The following PRDM16 variants were observed in gnomAD, a reference collection of about 807,000 sequenced individuals.
PRDM16 encodes the protein histone-lysine N-methyltransferase PRDM16.
In PRDM16, 23 loss-of-function variants were observed where a neutral mutation model predicts 110.6. The ratio of observed to expected loss-of-function variants is 0.21; its 90% confidence interval spans 0.15 to 0.29. PRDM16 has a LOEUF of 0.29. PRDM16 is among the 10% of genes least tolerant of loss of function. The pLI, the probability that PRDM16 is intolerant of heterozygous loss-of-function variation, is 1.00. For synonymous variants in PRDM16, 799 were observed against 781.8 expected (o/e 1.02, Z -0.37); for missense variants, 1,615 against 1,794.3 (o/e 0.90, Z 1.81).
At chr1:3,268,787 C>G (rs180830782) in intron 3 of PRDM16, among the ~76,000 whole-genome samples, 1 of 152,164 alleles carries the variant, frequency 6.6e-6, no homozygotes, top group Non-Finnish European at 1.5e-5. Flanking sequence ...CTGGTATATT[C>G]GAGGAGGGCA....
intron 1 of PRDM16, among the ~76,000 whole-genome samples, chr1:3,141,149 A>G (rs1643542672): frequency 6.6e-6 from 1 of 152,040 alleles, no homozygotes; most frequent in South Asian, 2.1e-4. Flanking sequence ...TTCATTCCCC[A>G]ATTTCCAGCT....
chr1:3,089,470 G>T (rs1026550593), intron 1 of PRDM16, among the ~76,000 whole-genome samples: 6 of 152,234 alleles, frequency 3.9e-5, no homozygotes, highest in African/African-American at 1.4e-4. Flanking sequence ...GGCGGAAGCG[G>T]GTGGAAACTT....
At chr1:3,295,347 G>C (rs555171114) in intron 3 of PRDM16, among the ~76,000 whole-genome samples, 1 of 152,250 alleles carries the variant, frequency 6.6e-6, no homozygotes, top group African/African-American at 2.4e-5. Flanking sequence ...GCCAGTGCTG[G>C]GAGGGGACTG....
rs370931714 is a variant in PRDM16 at position 3,412,588 on chromosome 1, C to A, written c.2391C>A (p.Ser797=). 8.7e-5 allele frequency: 140 copies of A among 1,603,612 alleles called. 1 individual carries two copies. In the South Asian group the frequency reaches 1.4e-3, roughly 16 times the overall value. Reference sequence around the variant, plus strand: ...CCAAGGGCCCCTCGGCCCCCGCATCCGGCGAGGAGCAGCCGCTGGACCTGA... The same window carrying A: ...CCAAGGGCCCCTCGGCCCCCGCATCAGGCGAGGAGCAGCCGCTGGACCTGA... ...PMPKGPSAPA[S]GEEQPLDLSI... The change falls in exon 9 of 17, where the codon TCC becomes TCA. Residue 797 remains serine, a synonymous_variant. Coordinates refer to ENST00000270722, the MANE Select transcript of PRDM16 (RefSeq NM_022114.4).
intron 1 of PRDM16, among the ~76,000 whole-genome samples, chr1:3,127,538 C>T (rs1362864163): frequency 1.3e-5 from 2 of 152,214 alleles, no homozygotes; most frequent in African/African-American, 4.8e-5. Context: ...GAATCTTTAT[C>T]GAGCTCAAAT....
intron 9 of PRDM16, 112 bp from the exon 10 acceptor site, chr1:3,414,448 C>T (rs897728120): frequency 2.7e-6 from 2 of 753,058 alleles, no homozygotes; most frequent in Admixed American, 4.4e-5. Context: ...CACACCATGG[C>T]CTTGTGACTG....
intron 5 of PRDM16, among the ~76,000 whole-genome samples, chr1:3,401,000 T>C (rs1403518256): frequency 6.6e-6 from 1 of 152,158 alleles, no homozygotes; most frequent in African/African-American, 2.4e-5. Context: ...CCATCCAGTA[T>C]GCCTGCTGTG....
At chr1:3,139,279 C>T (rs1643499683) in intron 1 of PRDM16, among the ~76,000 whole-genome samples, 1 of 152,226 alleles carries the variant, frequency 6.6e-6, no homozygotes, top group Non-Finnish European at 1.5e-5. Flanking sequence ...TTCTTCTGCA[C>T]CTGCCTTCCT....
At chr1:3,361,957 G>A (rs1361389843) in intron 3 of PRDM16, among the ~76,000 whole-genome samples, 2 of 151,686 alleles carry the variant, frequency 1.3e-5, no homozygotes, top group Non-Finnish European at 2.9e-5. Context: ...CAGGTGGTGA[G>A]AAGTGACCGT....
chr1:3,164,466 C>T (rs1030861033), intron 1 of PRDM16, among the ~76,000 whole-genome samples: 3 of 152,312 alleles, frequency 2.0e-5, no homozygotes, highest in South Asian at 2.1e-4. Context: ...GCCATGGCCA[C>T]GTACAGAAAG....
At chr1:3,181,545 T>TAC (rs1399691298) in intron 1 of PRDM16, among the ~76,000 whole-genome samples, 1 of 31,578 alleles carries the variant, frequency 3.2e-5, no homozygotes, top group Non-Finnish European at 5.1e-5. Context: ...CACACGGTCT[T>TAC]ACACACGCAG....
chr1:3,398,108 C>G (rs116850814), intron 5 of PRDM16, among the ~76,000 whole-genome samples: 1 of 152,126 alleles, frequency 6.6e-6, no homozygotes, highest in African/African-American at 2.4e-5. Context: ...TTGAAAAGAT[C>G]TATGAATCTT....
At chr1:3,289,041 C>T (rs1640915860) in intron 3 of PRDM16, among the ~76,000 whole-genome samples, 1 of 152,202 alleles carries the variant, frequency 6.6e-6, no homozygotes. Flanking sequence ...CCCATGAGCC[C>T]CTGGCCGAAG....
At chr1:3,121,445 G>T (rs565264384) in intron 1 of PRDM16, among the ~76,000 whole-genome samples, 17 of 152,372 alleles carry the variant, frequency 1.1e-4, no homozygotes, top group African/African-American at 4.1e-4. Flanking sequence ...AGCTCCTGAT[G>T]AAAACAAAAC....
rs1004539284 is a variant in PRDM16, at chr1:3,147,349, G to C, written c.38-38776G>C. ...GTGTGACGTGGGTGCACCTGGGCCT[G>C]TTTGCCGTCCCTGTCCCTTTCACTG... On this transcript the variant is annotated intron_variant, in intron 1 of 16. Transcript: ENST00000270722. 3.4e-4 allele frequency among the ~76,000 whole-genome samples: 51 copies of C among 152,172 alleles called. 1 individual carries two copies. Among genetic ancestry groups the C allele is most frequent in the African/African-American group, 1.1e-3 (46 of 41,490 alleles).
rs187667527 is a variant in PRDM16, at chr1:3,370,040, G to A, written c.439-15112G>A. On this transcript the variant is annotated intron_variant, in intron 3 of 16. Coordinates refer to ENST00000270722, the MANE Select transcript of PRDM16 (RefSeq NM_022114.4). This position sits in a 1 kb window ranked among gnomAD's most constrained non-coding sequence, Gnocchi z 4.8. ...AAAGAAGGATGGGCTCGGAGAGACTGAGTCAGCTGCAGGGAAGGCACTAAA... is the reference window on the plus strand; with the variant it reads ...AAAGAAGGATGGGCTCGGAGAGACTAAGTCAGCTGCAGGGAAGGCACTAAA... 6.6e-6 allele frequency among the ~76,000 whole-genome samples: 1 copy of A among 152,296 alleles called. No homozygotes were observed. Among genetic ancestry groups the A allele is most frequent in the Non-Finnish European group, 1.5e-5 (1 of 68,024 alleles).
At chr1:3,178,061 C>A (rs1004049701) in intron 1 of PRDM16, among the ~76,000 whole-genome samples, 15 of 152,176 alleles carry the variant, frequency 9.9e-5, no homozygotes, top group Middle Eastern at 3.2e-3. Flanking sequence ...CAAGGCTCGG[C>A]CATGGCTGGG....
chr1:3,298,277 T>C (rs1489627373), intron 3 of PRDM16, among the ~76,000 whole-genome samples: 5 of 152,226 alleles, frequency 3.3e-5, no homozygotes, highest in Non-Finnish European at 7.3e-5. Flanking sequence ...ACCCCTCTCC[T>C]TCCCTGACCT....
At chr1:3,400,903 C>G (rs1643457459) in intron 5 of PRDM16, among the ~76,000 whole-genome samples, 1 of 152,184 alleles carries the variant, frequency 6.6e-6, no homozygotes, top group Non-Finnish European at 1.5e-5. Context: ...CAGCCAGATA[C>G]TTACCTCTGT....
Sources: allele counts gnomAD v4.1 joint callset (sites outside exome capture counted in the v4.1 genomes callset), GRCh38; gene constraint gnomAD v4.1.1; non-coding constraint Gnocchi (gnomAD v3.1); transcripts MANE v1.5; gene names NCBI Gene and HGNC (gene_info 2026-07-23, HGNC 2026-07-21).